MAGT1: variants seen among roughly 807,000 people sequenced by gnomAD.
MAGT1 encodes the protein magnesium transporter 1.
Under a neutral mutation model 28.4 loss-of-function variants are expected in MAGT1, and 4 were observed. The observed-to-expected ratio is 0.14, with a 90% CI of 0.07 to 0.32. MAGT1 has a LOEUF of 0.32. Among genes scored for constraint, MAGT1 ranks in the 10% least tolerant of loss-of-function variants. The pLI, the probability that MAGT1 is intolerant of heterozygous loss-of-function variation, is 1.00. For missense variants in MAGT1, 193 were observed against 264.5 expected (o/e 0.73, Z 1.88); for synonymous variants, 89 against 89.7 (o/e 0.99, Z 0.04).
At chrX:77,873,044 G>A (rs188043370) in intron 2 of MAGT1, among the ~76,000 whole-genome samples, 5 of 112,332 alleles carry the variant, frequency 4.5e-5, no homozygotes, top group Admixed American at 9.5e-5. Flanking sequence ...GAATTATGAA[G>A]GAGTTTGTGT....
chrX:77,862,582 G>C (rs1294144345), intron 3 of MAGT1, among the ~76,000 whole-genome samples: 1 of 111,707 alleles, frequency 9.0e-6, no homozygotes, highest in African/African-American at 3.2e-5. Context: ...CCATTAAAAA[G>C]TGGACAAAGG....
chrX:77,850,431 G>T (rs1870947096), intron 7 of MAGT1, among the ~76,000 whole-genome samples: 1 of 92,246 alleles, frequency 1.1e-5, no homozygotes, highest in Non-Finnish European at 2.1e-5. Flanking sequence ...AACCAAGATG[G>T]TGCCACTGCA....
intron 7 of MAGT1, among the ~76,000 whole-genome samples, chrX:77,844,619 T>C (rs2076945223): frequency 9.0e-6 from 1 of 111,543 alleles, no homozygotes; most frequent in Non-Finnish European, 1.9e-5. Context: ...CTGGTTTAAA[T>C]GTGTCCCAGA....
chrX:77,874,688 G>A (rs2077028536), intron 2 of MAGT1, among the ~76,000 whole-genome samples: 1 of 110,196 alleles, frequency 9.1e-6, no homozygotes, highest in Admixed American at 9.8e-5. Flanking sequence ...TTAAGCATTG[G>A]GTAGACCAGT....
intron 1 of MAGT1, among the ~76,000 whole-genome samples, chrX:77,892,984 C>CA (rs782169975): frequency 2.7e-5 from 3 of 111,069 alleles, no homozygotes; most frequent in Non-Finnish European, 5.7e-5. Flanking sequence ...CAAAGACTGG[C>CA]ATATAAACAA....
intron 3 of MAGT1, among the ~76,000 whole-genome samples, chrX:77,865,215 C>T (rs376400692): frequency 4.5e-5 from 5 of 111,762 alleles, no homozygotes; most frequent in African/African-American, 6.5e-5. Flanking sequence ...ACCGAATACC[C>T]GTTATGTGCT....
chrX:77,872,185 G>A (rs2077022125), intron 2 of MAGT1, among the ~76,000 whole-genome samples: 1 of 109,711 alleles, frequency 9.1e-6, no homozygotes, highest in African/African-American at 3.3e-5. Context: ...TGGGATTACA[G>A]GTGCCCACCA....
chrX:77,834,289 CATAT>C (rs200078269), intron 8 of MAGT1, among the ~76,000 whole-genome samples: 20 of 93,322 alleles, frequency 2.1e-4, no homozygotes, highest in South Asian at 5.4e-4. Flanking sequence ...TATATATATG[CATAT>C]ATATATATAC....
At chrX:77,885,221 T>C (rs1249817040) in intron 1 of MAGT1, among the ~76,000 whole-genome samples, 1 of 108,790 alleles carries the variant, frequency 9.2e-6, no homozygotes, top group Non-Finnish European at 1.9e-5. Context: ...TGCGCCACCA[T>C]GCCTAGCTAA....
intron 3 of MAGT1, among the ~76,000 whole-genome samples, chrX:77,861,034 C>T (rs1359029050): frequency 2.7e-5 from 3 of 109,550 alleles, no homozygotes; most frequent in Non-Finnish European, 3.8e-5. Flanking sequence ...AAAAAATTAG[C>T]TGGGCCTGGT....
intron 3 of MAGT1, among the ~76,000 whole-genome samples, chrX:77,858,350 C>G (rs1356276708): frequency 9.1e-6 from 1 of 110,489 alleles, no homozygotes; most frequent in Admixed American, 9.8e-5. Context: ...GCCACCACAC[C>G]CAGCTAATTT....
At chrX:77,889,572 C>T (rs1382829034) in intron 1 of MAGT1, among the ~76,000 whole-genome samples, 1 of 107,810 alleles carries the variant, frequency 9.3e-6, no homozygotes, top group Non-Finnish European at 1.9e-5. Flanking sequence ...GGGGTTTCAC[C>T]GTGTTAGCCA....
chrX:77,842,585 G>C (rs1557214493), intron 7 of MAGT1, among the ~76,000 whole-genome samples: 2 of 111,672 alleles, frequency 1.8e-5, no homozygotes, highest in African/African-American at 6.5e-5. Context: ...CCAGCACTTT[G>C]AGAGGCAGAG....
intron 8 of MAGT1, chrX:77,837,258 G>A (rs781876168): frequency 1.9e-4 from 21 of 111,056 alleles, no homozygotes; most frequent in African/African-American, 6.9e-4. Flanking sequence ...GCAGTGAAAG[G>A]ACATATACTG....
At chrX:77,837,890 G>A (rs1557214054) in intron 8 of MAGT1, among the ~76,000 whole-genome samples, 1 of 110,925 alleles carries the variant, frequency 9.0e-6, no homozygotes, top group Non-Finnish European at 1.9e-5. Flanking sequence ...TTACAGGCAC[G>A]TGACACCATG....
At chrX:77,883,067 T>C (rs1193174188) in intron 1 of MAGT1, among the ~76,000 whole-genome samples, 1 of 99,443 alleles carries the variant, frequency 1.0e-5, no homozygotes, top group Admixed American at 1.2e-4. Flanking sequence ...AATATAATAA[T>C]ATAATATAAT....
At chrX:77,853,587 A>C (rs1281629364) in intron 7 of MAGT1, among the ~76,000 whole-genome samples, 3 of 112,107 alleles carry the variant, frequency 2.7e-5, no homozygotes, top group Admixed American at 9.6e-5. Context: ...GCTTTGTTTA[A>C]ATTTCACATA....
chrX:77,834,670 A>T (rs999512825), intron 8 of MAGT1, among the ~76,000 whole-genome samples: 1 of 110,638 alleles, frequency 9.0e-6, no homozygotes, highest in Admixed American at 9.8e-5. Context: ...CAACTATAAG[A>T]AAACAATGGG....
At chrX:77,859,519 G>A (rs1204995385) in intron 3 of MAGT1, among the ~76,000 whole-genome samples, 1 of 112,121 alleles carries the variant, frequency 8.9e-6, no homozygotes, top group Non-Finnish European at 1.9e-5. Flanking sequence ...ATGTGAAAGT[G>A]ATTCTCTAGA....
Sources: gnomAD v4.1 joint callset for allele counts (sites outside exome capture counted in the v4.1 genomes callset) on GRCh38, gnomAD v4.1.1 for gene constraint, MANE v1.5 for transcripts, NCBI Gene and HGNC (gene_info 2026-07-23, HGNC 2026-07-21) for gene names.